The following ZFX variants were observed in gnomAD, a reference collection of about 807,000 sequenced individuals.
ZFX encodes zinc finger protein X-linked.
For synonymous variants in ZFX, 196 were observed against 226.8 expected, an observed-to-expected ratio of 0.86 and a Z score of 1.22; for missense variants, 362 against 628.3, an observed-to-expected ratio of 0.58 and a Z score of 4.53.
At position 24,182,610 on chromosome X, in the gene ZFX, G is replaced by A. The variant is rs749438132; in HGVS notation, c.646+2840G>A. Among the ~76,000 whole-genome samples, 3 of 111,726 alleles carry A rather than the reference G, an allele frequency of 2.7e-5. No individual in the cohort carries two copies. In the East Asian group the frequency reaches 8.4e-4, roughly 31 times the overall value. On this transcript the variant is annotated intron_variant, in intron 5 of 9. Coordinates refer to ENST00000304543, the MANE Select transcript of ZFX (RefSeq NM_003410.4). ...ATTGGAGAGGAGATGGAAGAGATGA[G>A]CTGTGATGGATTGAGAAGTTAGTGG...
At chrX:24,208,695 CAT>C (rs764305458) in intron 8 of ZFX, among the ~76,000 whole-genome samples, 118 of 111,363 alleles carry the variant, frequency 1.1e-3, no homozygotes, top group African/African-American at 3.6e-3. Context: ...AAAATGCTGA[CAT>C]GTGTTTTTTA....
chrX:24,208,510 A>C, intron 8 of ZFX, 140 bp downstream of exon 8: 1 of 810,348 alleles, frequency 1.2e-6, no homozygotes, highest in Non-Finnish European at 1.7e-6. Context: ...ATTGAATTAG[A>C]GTATAAAGTC....
Position 24,214,226 on chromosome X carries a change from A to C in ZFX, c.*2850A>C, listed in dbSNP as rs1938313334. 8.9e-6 allele frequency: 1 copy of C among 112,110 alleles called. No individual in the cohort carries two copies. Among genetic ancestry groups the C allele is most frequent in the South Asian group, 3.7e-4 (1 of 2,694 alleles). 9.2% of individuals were successfully genotyped at this position (112,110 alleles called of 1,213,427 possible). Reference sequence around the variant, plus strand: ...AAGAGGTACAGATTTTTACAAGGACATAATATAAGTTATTGTTCTGTAGAA... The same window carrying C: ...AAGAGGTACAGATTTTTACAAGGACCTAATATAAGTTATTGTTCTGTAGAA... On this transcript the variant is annotated 3_prime_UTR_variant, in exon 10 of 10. Transcript: ENST00000304543.
At chrX:24,194,202 T>G (rs1326755788) in intron 5 of ZFX, among the ~76,000 whole-genome samples, 1 of 111,863 alleles carries the variant, frequency 8.9e-6, no homozygotes, top group Non-Finnish European at 1.9e-5. Context: ...ATATTGTGTT[T>G]ATCCAGTGAA....
intron 4 of ZFX, chrX:24,173,721 C>A: frequency 2.0e-6 from 1 of 491,108 alleles, no homozygotes; most frequent in Admixed American, 3.7e-5. Flanking sequence ...ACTGGGGCTA[C>A]AGGTGTGTGC....
At position 24,213,100 on chromosome X, in the gene ZFX, G is replaced by GT. The variant is rs1938214618; in HGVS notation, c.*1727dup. The stretch of plus-strand genomic sequence containing the variant: ...TTTTTGTATTTTTAATAGAGATGGG[G>GT]TTTCACCATCTTGGCCAGGCTGGTC... On this transcript the variant is annotated 3_prime_UTR_variant, in exon 10 of 10. Transcript: ENST00000304543. 1 of 110,924 alleles carries GT rather than the reference G, an allele frequency of 9.0e-6. No homozygotes were observed. Among genetic ancestry groups the GT allele is most frequent in the Admixed American group, 9.6e-5 (1 of 10,453 alleles). The allele number at this position is 110,924 out of a possible 1,213,427, so 9.1% of individuals were successfully genotyped here. A position where few individuals can be genotyped will look rare whatever the true frequency, so the allele number is the denominator to read the frequency against.
intron 5 of ZFX, 157 bp from the exon 6 acceptor site, chrX:24,207,169 G>C: frequency 2.0e-6 from 1 of 493,786 alleles, no homozygotes; most frequent in Non-Finnish European, 3.2e-6. Flanking sequence ...GGAGGCGGAG[G>C]TTGCAGTCAG....
intron 7 of ZFX, 74 bp from the exon 8 acceptor site, chrX:24,208,144 G>A: frequency 1.7e-6 from 2 of 1,149,558 alleles, no homozygotes; most frequent in South Asian, 3.9e-5. Context: ...TCTATTAACT[G>A]AATTCAAATA....
intron 5 of ZFX, among the ~76,000 whole-genome samples, chrX:24,184,872 A>G: frequency 8.9e-6 from 1 of 112,211 alleles, no homozygotes; most frequent in Non-Finnish European, 1.9e-5. Context: ...CACATGTGCT[A>G]TTCCCCTATT....
At chrX:24,163,885 T>C (rs1601821476) in intron 3 of ZFX, among the ~76,000 whole-genome samples, 1 of 107,594 alleles carries the variant, frequency 9.3e-6, no homozygotes, top group South Asian at 4.1e-4. Context: ...TTTTCTTTTA[T>C]TGAGTTAATG....
At position 24,163,364 on chromosome X, in the gene ZFX, GTTTTTTTTTTTTTTT is replaced by G. The variant is rs66467960; in HGVS notation, c.-28-9334_-28-9320del. Among the ~76,000 whole-genome samples, 37 of 19,046 alleles carry G rather than the reference GTTTTTTTTTTTTTTT, an allele frequency of 1.9e-3. 1 individual carries two copies. The highest frequency in any genetic ancestry group is 8.2e-3 in the African/African-American group (35 of 4,264). 16.5% of individuals were successfully genotyped at this position (19,046 alleles called of 115,157 possible). On this transcript the variant is annotated intron_variant, in intron 3 of 9. Coordinates refer to ENST00000304543, the MANE Select transcript of ZFX (RefSeq NM_003410.4). Reference sequence around the variant, plus strand: ...AATTTGGTTAAATTATTTTTGTTAGGTTTTTTTTTTTTTTTTTTTTTTTTTTTTTTTGATACAGAG... The same window carrying G: ...AATTTGGTTAAATTATTTTTGTTAGGTTTTTTTTTTTTTTTTGATACAGAG...
Position 24,211,727 on chromosome X carries a change from C to T in ZFX, c.*351C>T, listed in dbSNP as rs1938095375. ...TTCTAAGACCATTAACTTAAGGTAA[C>T]TTTATATTGGTAACTCTGAAAGTAT... is the stretch of plus-strand genomic sequence containing the variant. On this transcript the variant is annotated 3_prime_UTR_variant, in exon 10 of 10. Coordinates refer to ENST00000304543, the MANE Select transcript of ZFX (RefSeq NM_003410.4). 6.8e-6 allele frequency: 1 copy of T among 147,159 alleles called. No individual in the cohort carries two copies. The highest frequency in any genetic ancestry group is 1.3e-5 in the Non-Finnish European group (1 of 76,395). The allele number at this position is 147,159 out of a possible 1,213,427, so 12.1% of individuals were successfully genotyped here.
At chrX:24,174,624 A>G (rs1490925662) in intron 4 of ZFX, among the ~76,000 whole-genome samples, 1 of 109,617 alleles carries the variant, frequency 9.1e-6, no homozygotes, top group Non-Finnish European at 1.9e-5. Context: ...CGATCTCTTG[A>G]CCTCGTGATT....
chrX:24,150,319 G>A (rs1172016965), intron 1 of ZFX, among the ~76,000 whole-genome samples: 1 of 108,074 alleles, frequency 9.3e-6, no homozygotes, highest in Admixed American at 9.6e-5. Context: ...GCCCGTGAGG[G>A]GGGGTGGGAG....
At chrX:24,196,027 A>C (rs1468623962) in intron 5 of ZFX, among the ~76,000 whole-genome samples, 1 of 111,982 alleles carries the variant, frequency 8.9e-6, no homozygotes, top group African/African-American at 3.2e-5. Context: ...TAAGATGAGG[A>C]TATCAGTGCC....
At chrX:24,185,018 C>T (rs1183066384) in intron 5 of ZFX, among the ~76,000 whole-genome samples, 2 of 111,988 alleles carry the variant, frequency 1.8e-5, no homozygotes, top group Non-Finnish European at 3.8e-5. Flanking sequence ...GTGGTGCCAT[C>T]GCGGCTCACT....
intron 4 of ZFX, chrX:24,177,591 T>G (rs1225964824): frequency 2.2e-6 from 1 of 447,390 alleles, no homozygotes; most frequent in East Asian, 1.9e-4. Flanking sequence ...ATCCTATCAG[T>G]CTCCAGAGCC....
rs547098582 is a variant in ZFX at position 24,196,499 on chromosome X, T to C, written c.647-10827T>C. 3.2e-4 allele frequency among the ~76,000 whole-genome samples: 36 copies of C among 112,894 alleles called. No homozygotes were observed. In the South Asian group the frequency reaches 0.011, roughly 35 times the overall value. On this transcript the variant is annotated intron_variant, in intron 5 of 9. Transcript: ENST00000304543. ...TTACATTATTTTGATTGTGAAAATA[T>C]CATTTGCAGCATAACCATTGATCAC...
chrX:24,158,378 A>C lies in ZFX; in HGVS notation c.-29+5548A>C, dbSNP rs139296175. Among the ~76,000 whole-genome samples, 514 of 111,291 alleles carry C rather than the reference A, an allele frequency of 4.6e-3. 3 individuals are homozygous for C. The highest frequency in any genetic ancestry group is 0.015 in the African/African-American group (456 of 30,651). On this transcript the variant is annotated intron_variant, in intron 3 of 9. Coordinates refer to ENST00000304543, the MANE Select transcript of ZFX (RefSeq NM_003410.4). The stretch of plus-strand genomic sequence containing the variant: ...AAACAAAACAAACCAAAAACAAAAA[A>C]ACACAGTTCATAATTCTTTTGTATA...
Sources: gnomAD v4.1 joint callset for allele counts (sites outside exome capture counted in the v4.1 genomes callset) on GRCh38, gnomAD v4.1.1 for gene constraint, MANE v1.5 for transcripts, NCBI Gene and HGNC (gene_info 2026-07-23, HGNC 2026-07-21) for gene names.